MAZ: variants seen among roughly 807,000 people sequenced by gnomAD.
MAZ encodes MYC associated zinc finger protein.
A neutral mutation model predicts 32.7 loss-of-function variants in MAZ; 4 were observed. That is an observed-to-expected ratio of 0.12 (90% confidence interval 0.06 to 0.28). The LOEUF is 0.28. MAZ is among the 10% of genes least tolerant of loss of function. MAZ has a pLI of 1.00. For synonymous variants in MAZ, 510 were observed against 297.6 expected (o/e 1.71, Z -7.35); for missense variants, 763 against 667.2 (o/e 1.14, Z -1.58).
At position 29,810,435 on chromosome 16, in the gene MAZ, C is replaced by T. The variant is rs761585819; in HGVS notation, c.*204C>T. The stretch of plus-strand genomic sequence containing the variant: ...CTGCTCCTCTTCTGTCAGACCTGAC[C>T]CCACACAAACCTGTCCCCTCGGTTG... On this transcript the variant is annotated 3_prime_UTR_variant, in exon 5 of 5. Transcript: ENST00000322945. 3.3e-5 allele frequency: 24 copies of T among 722,708 alleles called. No homozygotes were observed. Among genetic ancestry groups the T allele is most frequent in the Non-Finnish European group, 5.5e-5 (22 of 403,376 alleles). The allele number at this position is 722,708 out of a possible 1,614,324, so 44.8% of individuals were successfully genotyped here.
Position 29,807,819 on chromosome 16 carries a change from G to C in MAZ, c.1034G>C (p.Ser345Thr), listed in dbSNP as rs1355913364. Residue 345 changes from serine (S) to threonine (T), a missense_variant, in exon 2 of 5, where the codon AGC (serine) becomes ACC (threonine). Ser to Thr is a moderately conservative substitution (Grantham distance 58, BLOSUM62 1). Coordinates refer to ENST00000322945, the MANE Select transcript of MAZ (RefSeq NM_002383.4). ...KPYNCSHCGKSFSRPDHLNSH... is the reference protein window; with the variant it reads ...KPYNCSHCGKTFSRPDHLNSH... The stretch of plus-strand genomic sequence containing the variant: ...TACAACTGCTCCCACTGTGGCAAGA[G>C]CTTCTCCCGGTGTGCACGGGGCCTC... 1.9e-6 allele frequency: 3 copies of C among 1,606,652 alleles called. No homozygotes were observed. The highest frequency in any genetic ancestry group is 2.2e-5 in the East Asian group (1 of 44,832).
At chr16:29,809,294 G>A (rs573020815) in intron 4 of MAZ, 55 of 552,944 alleles carry the variant, frequency 9.9e-5, no homozygotes, top group South Asian at 5.8e-4. Context: ...GAGGTCTCCC[G>A]GCCATGGAGA....
rs368412320 is a variant in MAZ at position 29,807,658 on chromosome 16, C to G, written c.873C>G (p.Val291=). 4 of 1,612,876 alleles carry G rather than the reference C, an allele frequency of 2.5e-6. No homozygotes were observed. Among genetic ancestry groups the G allele is most frequent in the Non-Finnish European group, 3.4e-6 (4 of 1,179,954 alleles). ...CEMCGKAFRD[V]YHLNRHKLSH... The stretch of plus-strand genomic sequence containing the variant: ...TGTGTGGCAAGGCCTTCCGCGACGT[C>G]TACCACCTGAACCGACACAAGCTGT... The change falls in exon 2 of 5, where the codon GTC becomes GTG. Residue 291 remains valine, a synonymous_variant. Coordinates refer to ENST00000322945, the MANE Select transcript of MAZ (RefSeq NM_002383.4).
chr16:29,806,548 C>T lies in MAZ; in HGVS notation c.-154C>T, dbSNP rs1247819352. The T allele has an allele frequency of 1.0e-5, 9 of 892,908 alleles. No homozygotes were observed. In the East Asian group the frequency reaches 9.1e-4, roughly 90 times the overall value. The allele number at this position is 892,908 out of a possible 1,614,324, so 55.3% of individuals were successfully genotyped here. On this transcript the variant is annotated 5_prime_UTR_variant, in exon 1 of 5. Transcript: ENST00000322945. ...GGCGCCCTCTTTTCCTCCCTCCCGC[C>T]GGCCGGGGTGCGCGGGCGGCGGGGC...
At position 29,810,230 on chromosome 16, in the gene MAZ, G is replaced by A. The variant is rs1020188455; in HGVS notation, c.1433G>A (p.Ter478=). 3 of 1,588,184 alleles carry A rather than the reference G, an allele frequency of 1.9e-6. No homozygotes were observed. The highest frequency in any genetic ancestry group is 2.7e-5 in the African/African-American group (2 of 74,332). ...SSQPLPSQPW[*] ...CAGCCACTTCCCTCCCAACCCTGGT[G>A]AGCTCCAAGTTGGTTGCGGGGGAGA... The change falls in exon 5 of 5, where the codon TGA becomes TAA. Residue 478 remains the stop codon, a stop_retained_variant. Coordinates refer to ENST00000322945, the MANE Select transcript of MAZ (RefSeq NM_002383.4).
Position 29,808,632 on chromosome 16 carries a change from G to A in MAZ, c.1170G>A (p.Glu390=), listed in dbSNP as rs1243727574. 1 of 1,613,782 alleles carries A rather than the reference G, an allele frequency of 6.2e-7. No individual in the cohort carries two copies. Among genetic ancestry groups the A allele is most frequent in the Non-Finnish European group, 8.5e-7 (1 of 1,179,994 alleles). Residue 390 remains glutamate, a synonymous_variant, in exon 4 of 5, where the codon GAG becomes GAA. Coordinates refer to ENST00000322945, the MANE Select transcript of MAZ (RefSeq NM_002383.4). ...GGGCGCACACAGTACGACACGAGGA[G>A]AAAGTGCCATGTCACGTGTGTGGCA... ...RLRAHTVRHE[E]KVPCHVCGKM...
rs368412320 is a variant in MAZ at position 29,807,658 on chromosome 16, C to T, written c.873C>T (p.Val291=). Residue 291 remains valine (V), a synonymous_variant, in exon 2 of 5, where the codon GTC becomes GTT. Coordinates refer to ENST00000322945, the MANE Select transcript of MAZ (RefSeq NM_002383.4). ...CEMCGKAFRD[V]YHLNRHKLSH... is the part of the protein sequence containing the mutation. ...TGTGTGGCAAGGCCTTCCGCGACGT[C>T]TACCACCTGAACCGACACAAGCTGT... 23 of 1,612,758 alleles carry T rather than the reference C, an allele frequency of 1.4e-5. No homozygotes were observed. The highest frequency in any genetic ancestry group is 9.3e-5 in the African/African-American group (7 of 74,940).
rs1041777380 is a variant in MAZ, at chr16:29,810,632, C to G, written c.*401C>G. ...GTCCTCTCCCCCTGCTGTCTGCAGC[C>G]CCTCCCCGGGGAGTTGGTGCTTTCT... On this transcript the variant is annotated 3_prime_UTR_variant, in exon 5 of 5. Transcript: ENST00000322945. 6.4e-5 allele frequency: 40 copies of G among 623,428 alleles called. No homozygotes were observed. The highest frequency in any genetic ancestry group is 3.7e-4 in the Admixed American group (13 of 34,866). The allele number at this position is 623,428 out of a possible 1,614,324, so 38.6% of individuals were successfully genotyped here. A position where few individuals can be genotyped will look rare whatever the true frequency, so the allele number is the denominator to read the frequency against.
In MAZ at chr16:29,810,215, C is replaced by T; in HGVS notation, c.1418C>T (p.Pro473Leu). The change falls in exon 5 of 5, where the codon CCC becomes CTC. Residue 473 changes from proline (P) to leucine (L), a missense_variant. Physicochemically the swap from Pro to Leu is moderately conservative, Grantham distance 98. Coordinates refer to ENST00000322945, the MANE Select transcript of MAZ (RefSeq NM_002383.4). Reference sequence around the variant, plus strand: ...GTGCCTGTGAGCTCTCAGCCACTTCCCTCCCAACCCTGGTGAGCTCCAAGT... The same window carrying T: ...GTGCCTGTGAGCTCTCAGCCACTTCTCTCCCAACCCTGGTGAGCTCCAAGT... Reference protein sequence around the residue: ...EGVPVSSQPLPSQPW With the variant: ...EGVPVSSQPLLSQPW 3.1e-6 allele frequency: 5 copies of T among 1,594,678 alleles called. No individual in the cohort carries two copies. The highest frequency in any genetic ancestry group is 1.1e-5 in the South Asian group (1 of 89,336).
rs892845397 is a variant in MAZ at position 29,810,184 on chromosome 16, G to C, written c.1387G>C (p.Glu463Gln). 8.1e-6 allele frequency: 13 copies of C among 1,607,818 alleles called. No individual in the cohort carries two copies. The highest frequency in any genetic ancestry group is 1.1e-5 in the Non-Finnish European group (13 of 1,177,490). ...PTAVGSLSGA[E>Q]GVPVSSQPLP... ...AGCTGTGGGCTCCCTCTCGGGGGCG[G>C]AGGGGGTGCCTGTGAGCTCTCAGCC... is the stretch of plus-strand genomic sequence containing the variant. Residue 463 changes from glutamate to glutamine, a missense_variant, in exon 5 of 5, where the codon GAG becomes CAG. Physicochemically the swap from Glu to Gln is conservative, Grantham distance 29. Transcript: ENST00000322945.
chr16:29,808,145 G>A (rs1027896337), intron 2 of MAZ, 85 bp from the exon 3 acceptor site: 3 of 1,240,448 alleles, frequency 2.4e-6, no homozygotes, highest in African/African-American at 1.5e-5. Context: ...GGAGGCGCAG[G>A]GATCCTCGGA....
Position 29,807,325 on chromosome 16 carries a change from G to T in MAZ, c.540G>T (p.Leu180Phe). 1.2e-6 allele frequency: 2 copies of T among 1,608,492 alleles called. No homozygotes were observed. The highest frequency in any genetic ancestry group is 1.7e-6 in the Non-Finnish European group (2 of 1,178,130). The change falls in exon 2 of 5, where the codon TTG becomes TTT. Residue 180 changes from leucine to phenylalanine, a missense_variant. Coordinates refer to ENST00000322945, the MANE Select transcript of MAZ (RefSeq NM_002383.4). ...CCGTGGCCCCGGTCGCGTCTGCCTT[G>T]GAGAAGAAGACAAAGAGCAAGGGGC... Reference protein sequence around the residue: ...TVAVAPVASALEKKTKSKGPY... With the variant: ...TVAVAPVASAFEKKTKSKGPY...
chr16:29,806,599 GGCCCA>G lies in MAZ; in HGVS notation c.-98_-94del. On this transcript the variant is annotated 5_prime_UTR_variant, in exon 1 of 5. It removes the in-frame stop codon of an upstream open reading frame in the 5' UTR. Transcript: ENST00000322945. ...GGCCCGCGGGCCATGCGTTCGGCGCGGCCCAGCCCGGCCGGCCGGGGGCGGCGCCC... is the reference window on the plus strand; with the variant it reads ...GGCCCGCGGGCCATGCGTTCGGCGCGGCCCGGCCGGCCGGGGGCGGCGCCC... 1.0e-6 allele frequency: 1 copy of G among 965,508 alleles called. No individual in the cohort carries two copies. The highest frequency in any genetic ancestry group is 1.2e-6 in the Non-Finnish European group (1 of 818,534). 59.8% of individuals were successfully genotyped at this position (965,508 alleles called of 1,614,324 possible).
intron 3 of MAZ, 135 bp downstream of exon 3, chr16:29,808,428 A>G: frequency 9.8e-7 from 1 of 1,022,138 alleles, no homozygotes; most frequent in South Asian, 1.4e-5. Flanking sequence ...TCCCTTCTTC[A>G]AGGCCTCATC....
chr16:29,809,731 C>T (rs1236214757), intron 4 of MAZ: 3 of 1,455,116 alleles, frequency 2.1e-6, no homozygotes, highest in African/African-American at 2.8e-5. Context: ...CCAGCCACAG[C>T]CCACCTGCTG....
At chr16:29,809,890 C>A (rs1391166210) in intron 4 of MAZ, 187 bp from the exon 5 acceptor site, 1 of 1,120,612 alleles carries the variant, frequency 8.9e-7, no homozygotes, top group Non-Finnish European at 1.3e-6. Flanking sequence ...AGGGAGACTT[C>A]TGGGCACAGG....
chr16:29,808,517 C>A, intron 3 of MAZ, 53 bp from the exon 4 acceptor site: 1 of 1,309,720 alleles, frequency 7.6e-7, no homozygotes, highest in Non-Finnish European at 1.1e-6. Context: ...CTCCCCAGCC[C>A]ACCAAGCTTT....
rs1187999334 is a variant in MAZ, at chr16:29,807,085, G to C, written c.300G>C (p.Ala100=). The C allele has an allele frequency of 9.9e-6, 10 of 1,011,756 alleles. No homozygotes were observed. Among genetic ancestry groups the C allele is most frequent in the Non-Finnish European group, 1.2e-5 (10 of 846,782 alleles). The allele number at this position is 1,011,756 out of a possible 1,614,324, so 62.7% of individuals were successfully genotyped here. ...CCCAGGAGTCCGCCGCGGCTGCTGCGGCCGCTGCCGCCGCTGCTGCCGCCG... is the reference window on the plus strand; with the variant it reads ...CCCAGGAGTCCGCCGCGGCTGCTGCCGCCGCTGCCGCCGCTGCTGCCGCCG... ...AAAQESAAAA[A]AAAAAAAAVA... Residue 100 remains alanine, a synonymous_variant, in exon 2 of 5, where the codon GCG becomes GCC. Coordinates refer to ENST00000322945, the MANE Select transcript of MAZ (RefSeq NM_002383.4).
chr16:29,807,310 G>C lies in MAZ; in HGVS notation c.525G>C (p.Pro175=), dbSNP rs755491921. 17 of 1,590,194 alleles carry C rather than the reference G, an allele frequency of 1.1e-5. No individual in the cohort carries two copies. The African/African-American group carries it at 1.8e-4, about 16-fold the overall frequency. The change falls in exon 2 of 5, where the codon CCG becomes CCC. Residue 175 remains proline, a synonymous_variant. Coordinates refer to ENST00000322945, the MANE Select transcript of MAZ (RefSeq NM_002383.4). The part of the protein sequence containing the change: ...VAPTSTVAVA[P]VASALEKKTK... ...CAACCTCGACGGTCGCCGTGGCCCC[G>C]GTCGCGTCTGCCTTGGAGAAGAAGA...
Sources: gnomAD v4.1 joint callset for allele counts on GRCh38, gnomAD v4.1.1 for gene constraint, MANE v1.5 for transcripts, NCBI Gene and HGNC (gene_info 2026-07-23, HGNC 2026-07-21) for gene names.